PALM2AKAP2: variants seen among roughly 807,000 people sequenced by gnomAD.
PALM2AKAP2 encodes PALM2-AKAP2 fusion protein.
A neutral mutation model predicts 71.5 loss-of-function variants in PALM2AKAP2; 37 were observed. The ratio of observed to expected loss-of-function variants is 0.52; its 90% confidence interval spans 0.40 to 0.68. The LOEUF (loss-of-function observed/expected upper bound fraction) is 0.68. PALM2AKAP2 is among the 30% of genes least tolerant of loss of function. The probability of loss-of-function intolerance (pLI) is 0.00; values close to 1 mark genes in which losing one functional copy is unlikely to be tolerated. For synonymous variants in PALM2AKAP2, 468 were observed against 478.8 expected, an observed-to-expected ratio of 0.98 and a Z score of 0.29; for missense variants, 1,224 against 1,191.8, an observed-to-expected ratio of 1.03 and a Z score of -0.40.
chr9:109,754,469 A>G (rs1364434075), intron 1 of PALM2AKAP2, among the ~76,000 whole-genome samples: 1 of 152,142 alleles, frequency 6.6e-6, no homozygotes, highest in Non-Finnish European at 1.5e-5. Context: ...AGTGTTGTTA[A>G]TTATAGTCAC....
intron 1 of PALM2AKAP2, among the ~76,000 whole-genome samples, chr9:109,827,564 G>A (rs996795095): frequency 4.6e-5 from 7 of 152,060 alleles, no homozygotes; most frequent in Admixed American, 1.3e-4. Context: ...AGCCGGGATC[G>A]CACCACTGCA....
intron 1 of PALM2AKAP2, among the ~76,000 whole-genome samples, chr9:109,864,722 A>G (rs1213579533): frequency 6.6e-6 from 1 of 152,242 alleles, no homozygotes; most frequent in African/African-American, 2.4e-5. Context: ...CAGAGACTGT[A>G]TGTCCCACAA....
At chr9:110,137,136 C>T (rs1835900067) in exon 2 of PALM2AKAP2, 5 of 1,613,500 alleles carry the variant, frequency 3.1e-6, no homozygotes, top group Non-Finnish European at 4.2e-6. Context: ...ACAGCCCCTG[C>T]CTCTTCTCAT....
At chr9:109,891,883 A>G (rs1830098524) in intron 3 of PALM2AKAP2, among the ~76,000 whole-genome samples, 1 of 152,004 alleles carries the variant, frequency 6.6e-6, no homozygotes, top group South Asian at 2.1e-4. Context: ...GGTCATTACT[A>G]CTCAGTCCAG....
intron 7 of PALM2AKAP2, among the ~76,000 whole-genome samples, chr9:110,018,360 G>T (rs1833018819): frequency 6.6e-6 from 1 of 152,026 alleles, no homozygotes; most frequent in African/African-American, 2.4e-5. Context: ...GCAGAGTCTT[G>T]CTCTGTCACC....
At chr9:109,941,637 G>T (rs973860681) in intron 6 of PALM2AKAP2, among the ~76,000 whole-genome samples, 9 of 152,178 alleles carry the variant, frequency 5.9e-5, no homozygotes, top group African/African-American at 2.2e-4. Context: ...GAGCCTGGTG[G>T]CTCTATGGGC....
In PALM2AKAP2 at chr9:110,151,986, C is replaced by G. The variant is rs141260317; in HGVS notation, c.2570-4333C>G. Among the ~76,000 whole-genome samples the G allele has an allele frequency of 1.8e-3, 280 of 152,320 alleles. 3 individuals are homozygous for G. The highest frequency in any genetic ancestry group is 6.6e-3 in the African/African-American group (275 of 41,564). ...GCACAGTGGCTCATGCCTGTAATCC[C>G]AGCACTTTGGGTGGCTGAGACAGAC... On this transcript the variant is annotated intron_variant, in intron 2 of 3. Transcript: ENST00000374525.
At chr9:109,917,483 C>CT (rs1830719894) in intron 3 of PALM2AKAP2, among the ~76,000 whole-genome samples, 12 of 131,462 alleles carry the variant, frequency 9.1e-5, no homozygotes, top group African/African-American at 2.5e-4. Flanking sequence ...ACGCTCCTTT[C>CT]CTTTTTTTTT....
At chr9:109,922,347 A>G (rs1459302431) in intron 3 of PALM2AKAP2, among the ~76,000 whole-genome samples, 1 of 141,290 alleles carries the variant, frequency 7.1e-6, no homozygotes, top group Non-Finnish European at 1.5e-5. Flanking sequence ...GCTTGAGCCC[A>G]AGAGGTAGAG....
chr9:110,040,687 A>G (rs914585512), intron 7 of PALM2AKAP2, among the ~76,000 whole-genome samples: 8 of 152,240 alleles, frequency 5.3e-5, no homozygotes, highest in African/African-American at 1.9e-4. Context: ...AAACTAAGAA[A>G]TAATTTCCTG....
chr9:109,868,640 G>T (rs1053617662), intron 2 of PALM2AKAP2, among the ~76,000 whole-genome samples: 1 of 152,192 alleles, frequency 6.6e-6, no homozygotes, highest in Non-Finnish European at 1.5e-5. Flanking sequence ...ATCAGCAAGC[G>T]AGTTACTGAT....
chr9:109,998,615 T>C (rs1188465173), intron 6 of PALM2AKAP2, among the ~76,000 whole-genome samples: 1 of 112,782 alleles, frequency 8.9e-6, no homozygotes, highest in Non-Finnish European at 1.7e-5. Flanking sequence ...TATGGTACTT[T>C]CTGACCAGGG....
chr9:109,892,048 A>T (rs1387800218), intron 3 of PALM2AKAP2, among the ~76,000 whole-genome samples: 2 of 152,232 alleles, frequency 1.3e-5, no homozygotes, highest in African/African-American at 4.8e-5. Flanking sequence ...ACTCCACCAG[A>T]GTAAGGACTG....
chr9:109,960,163 GC>G (rs1831826906), intron 6 of PALM2AKAP2, among the ~76,000 whole-genome samples: 2 of 152,088 alleles, frequency 1.3e-5, no homozygotes, highest in Admixed American at 1.3e-4. Context: ...CTTGGCCCAT[GC>G]TGTTCTGTGC....
At chr9:110,131,281 AT>A (rs780157620) in intron 1 of PALM2AKAP2, among the ~76,000 whole-genome samples, 1 of 152,128 alleles carries the variant, frequency 6.6e-6, no homozygotes, top group African/African-American at 2.4e-5. Flanking sequence ...AACTGGGCCG[AT>A]CTAAAAAGCT....
intron 1 of PALM2AKAP2, among the ~76,000 whole-genome samples, chr9:109,741,563 T>C (rs1424420664): frequency 6.6e-6 from 1 of 152,238 alleles, no homozygotes; most frequent in Non-Finnish European, 1.5e-5. Flanking sequence ...GGAACAATTT[T>C]ATGCTCCCAC....
chr9:109,779,448 A>G (rs980547098), upstream of PALM2AKAP2, among the ~76,000 whole-genome samples: 1 of 151,966 alleles, frequency 6.6e-6, no homozygotes, highest in African/African-American at 2.4e-5. Context: ...ATAAGAGCAG[A>G]TGTCTGTGAT....
At chr9:109,884,140 A>C (rs1829913766) in intron 3 of PALM2AKAP2, among the ~76,000 whole-genome samples, 2 of 152,360 alleles carry the variant, frequency 1.3e-5, no homozygotes, top group South Asian at 4.1e-4. Flanking sequence ...GACCGGCATT[A>C]GGGAAACTAC....
intron 1 of PALM2AKAP2, among the ~76,000 whole-genome samples, chr9:110,078,350 G>A (rs1029338089): frequency 6.6e-6 from 1 of 152,074 alleles, no homozygotes; most frequent in African/African-American, 2.4e-5. Flanking sequence ...GCATGTAGTA[G>A]GTATTTGGTC....
Sources: gnomAD v4.1 joint callset for allele counts (sites outside exome capture counted in the v4.1 genomes callset) on GRCh38, gnomAD v4.1.1 for gene constraint, MANE v1.5 for transcripts, NCBI Gene and HGNC (gene_info 2026-07-23, HGNC 2026-07-21) for gene names.